The following CSMD1 variants were observed in gnomAD, a reference collection of about 807,000 sequenced individuals.
CSMD1 encodes CUB and sushi domain-containing protein 1.
In CSMD1, 213 loss-of-function variants were observed where a neutral mutation model predicts 417.5. That is an observed-to-expected ratio of 0.51 (90% CI 0.46 to 0.57). The LOEUF (loss-of-function observed/expected upper bound fraction) is 0.57, where lower values mean the gene tolerates loss of function less well. Among genes scored for constraint, CSMD1 ranks in the 20% least tolerant of loss-of-function variants. The pLI, the probability that CSMD1 is intolerant of heterozygous loss-of-function variation, is 0.00. For missense variants in CSMD1, 6,923 were observed against 4,529.7 expected, an observed-to-expected ratio of 1.53 and a Z score of -15.17; for synonymous variants, 2,862 against 1,736.8, an observed-to-expected ratio of 1.65 and a Z score of -16.11.
chr8:4,424,416 G>A (rs189897690), intron 2 of CSMD1, among the ~76,000 whole-genome samples: 110 of 151,874 alleles, frequency 7.2e-4, no homozygotes, highest in Non-Finnish European at 1.2e-3. Context: ...ACATCCAGAC[G>A]GCAAATAAGC....
chr8:4,096,815 C>G (rs1162143677), intron 3 of CSMD1, among the ~76,000 whole-genome samples: 3 of 152,162 alleles, frequency 2.0e-5, no homozygotes, highest in Non-Finnish European at 4.4e-5. Flanking sequence ...TCTGACCCAT[C>G]ATTCTTGATA....
chr8:4,726,809 G>T (rs1415906658), intron 1 of CSMD1, among the ~76,000 whole-genome samples: 1 of 152,128 alleles, frequency 6.6e-6, no homozygotes. Flanking sequence ...CACAACAATT[G>T]ACTTGAAGAT....
intron 5 of CSMD1, among the ~76,000 whole-genome samples, chr8:3,871,050 T>G (rs1322031196): frequency 1.3e-5 from 2 of 152,122 alleles, no homozygotes; most frequent in African/African-American, 4.8e-5. Flanking sequence ...CATCTTTGTG[T>G]ATTATTCCAT....
chr8:3,763,669 AC>A (rs1165571406), intron 5 of CSMD1, among the ~76,000 whole-genome samples: 1 of 152,128 alleles, frequency 6.6e-6, no homozygotes, highest in Non-Finnish European at 1.5e-5. Context: ...TGCAAAACAC[AC>A]TGACACAAGT....
intron 3 of CSMD1, among the ~76,000 whole-genome samples, chr8:4,104,384 C>G (rs1307279847): frequency 1.3e-5 from 2 of 152,132 alleles, no homozygotes. Flanking sequence ...CAGGGCAGTA[C>G]TACACACACA....
At chr8:3,702,774 G>A (rs953781052) in intron 7 of CSMD1, among the ~76,000 whole-genome samples, 1 of 152,230 alleles carries the variant, frequency 6.6e-6, no homozygotes, top group African/African-American at 2.4e-5. Context: ...GCAGGTTGCA[G>A]TTAGCTGAGA....
At chr8:3,262,891 G>T (rs1238285828) in intron 26 of CSMD1, among the ~76,000 whole-genome samples, 1 of 152,086 alleles carries the variant, frequency 6.6e-6, no homozygotes, top group Non-Finnish European at 1.5e-5. Context: ...GTACAAGAGG[G>T]AATGTGAACT....
chr8:3,640,861 T>C (rs564989134), intron 7 of CSMD1, among the ~76,000 whole-genome samples: 1 of 152,248 alleles, frequency 6.6e-6, no homozygotes, highest in African/African-American at 2.4e-5. Context: ...CTACTTTTTT[T>C]TTTATTGTTA....
chr8:3,281,167 G>A (rs1802707101), intron 26 of CSMD1, among the ~76,000 whole-genome samples: 1 of 152,192 alleles, frequency 6.6e-6, no homozygotes, highest in African/African-American at 2.4e-5. Flanking sequence ...AACAGGCTGG[G>A]CGAGGTGGCT....
In CSMD1 at chr8:3,284,196, C is replaced by A. The variant is rs967314830; in HGVS notation, c.4101G>T (p.Gln1367His). The change falls in exon 26 of 70, where the codon CAG becomes CAT. Residue 1367 changes from glutamine (Q) to histidine (H), a missense_variant. Gln to His is a conservative substitution (Grantham distance 24). Transcript: ENST00000635120. ...TGCTGATGAAGAAGTCGCTGTCGAA[C>A]TGCAGGGTGAGTGAGTTGAAGGTGC... is the stretch of plus-strand genomic sequence containing the variant. ...IHSTFNSLTL[Q>H]FDSDFFISKS... is the part of the protein sequence containing the mutation. 2 of 1,604,604 alleles carry A rather than the reference C, an allele frequency of 1.2e-6. No homozygotes were observed. The highest frequency in any genetic ancestry group is 1.3e-5 in the African/African-American group (1 of 74,754).
At chr8:3,045,590 C>T (rs1348604890) in intron 50 of CSMD1, among the ~76,000 whole-genome samples, 1 of 152,142 alleles carries the variant, frequency 6.6e-6, no homozygotes, top group Non-Finnish European at 1.5e-5. Context: ...ACCCCATCAC[C>T]TACTTAATAC....
rs376589957 is a variant in CSMD1 at position 3,549,963 on chromosome 8, G to C, written c.1344+24982C>G. ...GGCAATTGAAATAATTAGGTATCTT[G>C]GATCTAGACATAAAGAGTTAATATA... On this transcript the variant is annotated intron_variant, in intron 10 of 69. Transcript: ENST00000635120. Among the ~76,000 whole-genome samples, 14 of 152,256 alleles carry C rather than the reference G, an allele frequency of 9.2e-5. No individual in the cohort carries two copies. In the South Asian group the frequency reaches 2.3e-3, roughly 25 times the overall value.
intron 47 of CSMD1, among the ~76,000 whole-genome samples, chr8:3,095,303 T>C (rs1001429159): frequency 6.6e-6 from 1 of 152,158 alleles, no homozygotes; most frequent in Non-Finnish European, 1.5e-5. Context: ...TTTTGCATAA[T>C]ACCTAATAGG....
chr8:3,593,795 G>T (rs986725627), intron 8 of CSMD1, among the ~76,000 whole-genome samples: 2 of 151,642 alleles, frequency 1.3e-5, no homozygotes, highest in African/African-American at 2.4e-5. Flanking sequence ...ATTATATATG[G>T]GTCATTCTCC....
rs755410758 is a variant in CSMD1 at position 3,151,457 on chromosome 8, G to A, written c.5971C>T (p.Pro1991Ser). Residue 1991 changes from proline (P) to serine (S), a missense_variant, in exon 40 of 70, where the codon CCA becomes TCA. Coordinates refer to ENST00000635120, the MANE Select transcript of CSMD1 (RefSeq NM_033225.6). Reference sequence around the variant, plus strand: ...TCTAAGTTGTTGGGGTAAGAACCTGGGAAGCCGGGGCTCAGGATCACACCA... The same window carrying A: ...TCTAAGTTGTTGGGGTAAGAACCTGAGAAGCCGGGGCTCAGGATCACACCA... ...LGGVILSPGF[P>S]GSYPNNLDCT... 1.8e-4 allele frequency: 292 copies of A among 1,613,864 alleles called. 5 individuals are homozygous for A. The East Asian group carries it at 6.4e-3, about 35-fold the overall frequency.
intron 49 of CSMD1, among the ~76,000 whole-genome samples, chr8:3,059,249 C>T (rs983798249): frequency 1.0e-4 from 11 of 107,932 alleles, no homozygotes; most frequent in Admixed American, 8.4e-4. Context: ...GCACCCCAGA[C>T]ATCAAAAAAA....
chr8:4,144,781 A>C (rs1420194207), intron 3 of CSMD1, among the ~76,000 whole-genome samples: 1 of 151,002 alleles, frequency 6.6e-6, no homozygotes. Flanking sequence ...TGATGGATTT[A>C]CCAGGTTGTC....
chr8:3,512,519 G>T, intron 10 of CSMD1, among the ~76,000 whole-genome samples: 1 of 145,092 alleles, frequency 6.9e-6, no homozygotes, highest in South Asian at 2.2e-4. Flanking sequence ...GGCTGGGCTG[G>T]TGGGCTGGTG....
intron 11 of CSMD1, among the ~76,000 whole-genome samples, chr8:3,480,850 T>A (rs1303483813): frequency 6.6e-6 from 1 of 151,998 alleles, no homozygotes; most frequent in Non-Finnish European, 1.5e-5. Flanking sequence ...TATAATTTGT[T>A]TTTGCAAATT....
Sources: allele counts gnomAD v4.1 joint callset (sites outside exome capture counted in the v4.1 genomes callset), GRCh38; gene constraint gnomAD v4.1.1; transcripts MANE v1.5; gene names NCBI Gene and HGNC (gene_info 2026-07-23, HGNC 2026-07-21).